Variants in FGF12 observed in about 807,000 individuals in gnomAD.
FGF12 encodes the protein fibroblast growth factor 12, also known as fibroblast growth factor 12B.
In FGF12, 14 loss-of-function variants were observed where a neutral mutation model predicts 23.6. That is an observed-to-expected ratio of 0.59 (90% CI 0.39 to 0.93). The LOEUF is 0.93. FGF12 is among the 40% of genes least tolerant of loss of function. The pLI is 0.00. For missense variants in FGF12, 175 were observed against 217.8 expected (o/e 0.80, Z 1.24); for synonymous variants, 62 against 77.3 (o/e 0.80, Z 1.04).
intron 2 of FGF12, among the ~76,000 whole-genome samples, chr3:192,637,162 A>AC (rs1378078148): frequency 1.3e-5 from 2 of 152,166 alleles, no homozygotes; most frequent in African/African-American, 4.8e-5. Flanking sequence ...CGGAATGCTG[A>AC]CAATGCTTTT....
rs1370248402 is a variant in FGF12, at chr3:192,360,671, G to A, written c.14-133C>T. 1.5e-6 allele frequency: 1 copy of A among 650,604 alleles called. No homozygotes were observed. The highest frequency in any genetic ancestry group is 1.8e-5 in the African/African-American group (1 of 54,858). 40.3% of individuals were successfully genotyped at this position (650,604 alleles called of 1,614,324 possible). On this transcript the variant is annotated intron_variant, in intron 2 of 5. Coordinates refer to ENST00000445105, the MANE Select transcript of FGF12 (RefSeq NM_004113.6). The surrounding 1 kb of genome is among the most constrained non-coding windows in gnomAD (Gnocchi z 4.3). The stretch of plus-strand genomic sequence containing the variant: ...ATATTGAATTATGTATTTGGGAGTT[G>A]GGTGTTTCAGTAACATATCTATGCT...
intron 2 of FGF12, among the ~76,000 whole-genome samples, chr3:192,521,815 C>A (rs1724820921): frequency 6.6e-6 from 1 of 152,106 alleles, no homozygotes; most frequent in Admixed American, 6.5e-5. Flanking sequence ...ATTTTCCCCC[C>A]AAGAGACTAT....
chr3:192,551,122 A>T (rs529894154), intron 2 of FGF12, among the ~76,000 whole-genome samples: 1 of 152,236 alleles, frequency 6.6e-6, no homozygotes, highest in Admixed American at 6.5e-5. Context: ...ATTTTCAAGC[A>T]CTTGATAACA....
At chr3:192,513,060 T>C (rs1424737848) in intron 2 of FGF12, among the ~76,000 whole-genome samples, 1 of 151,722 alleles carries the variant, frequency 6.6e-6, no homozygotes, top group Non-Finnish European at 1.5e-5. Flanking sequence ...ACTGAATATC[T>C]TTCCTAATTT....
intron 3 of FGF12, among the ~76,000 whole-genome samples, chr3:192,346,955 C>A (rs2108716870): frequency 6.6e-6 from 1 of 152,166 alleles, no homozygotes; most frequent in South Asian, 2.1e-4. Context: ...TATAATAATA[C>A]AAATTTGGAA....
intron 2 of FGF12, among the ~76,000 whole-genome samples, chr3:192,457,845 A>C (rs1722727623): frequency 6.6e-6 from 1 of 152,212 alleles, no homozygotes; most frequent in Non-Finnish European, 1.5e-5. Context: ...TCTTCACTGC[A>C]GCCCCTCTCA....
chr3:192,402,963 C>A (rs1489327496), intron 2 of FGF12, among the ~76,000 whole-genome samples: 3 of 152,070 alleles, frequency 2.0e-5, no homozygotes, highest in African/African-American at 4.8e-5. Flanking sequence ...CAAGCGTGTC[C>A]TCTATGTCTA....
intron 4 of FGF12, among the ~76,000 whole-genome samples, chr3:192,306,862 A>T (rs1471930686): frequency 6.6e-6 from 1 of 152,230 alleles, no homozygotes; most frequent in Non-Finnish European, 1.5e-5. Flanking sequence ...ATCTCATAAA[A>T]TGGGGTTGAA....
At chr3:192,523,493 C>G (rs1181773905) in intron 2 of FGF12, among the ~76,000 whole-genome samples, 1 of 152,120 alleles carries the variant, frequency 6.6e-6, no homozygotes, top group African/African-American at 2.4e-5. Context: ...TTCCCACATG[C>G]CCTTCTGGAA....
intron 2 of FGF12, among the ~76,000 whole-genome samples, chr3:192,537,950 C>CTTT (rs370317111): frequency 2.5e-5 from 3 of 121,400 alleles, no homozygotes; most frequent in East Asian, 2.3e-4. Flanking sequence ...AGCCTTTAAC[C>CTTT]TTTTTTTTTT....
chr3:192,626,295 T>A (rs34189232), intron 2 of FGF12, among the ~76,000 whole-genome samples: 4,162 of 152,334 alleles, frequency 0.027, 76 homozygotes, highest in Middle Eastern at 0.058. Context: ...ATTAATTATC[T>A]ACTACCAAAA....
chr3:192,301,206 T>TG (rs1715333477), intron 4 of FGF12, among the ~76,000 whole-genome samples: 1 of 151,874 alleles, frequency 6.6e-6, no homozygotes, highest in Non-Finnish European at 1.5e-5. Context: ...TGGAAGGGGA[T>TG]GGGTTAAGAC....
intron 4 of FGF12, among the ~76,000 whole-genome samples, chr3:192,190,338 G>T (rs1716710780): frequency 6.6e-6 from 1 of 151,898 alleles, no homozygotes; most frequent in African/African-American, 2.4e-5. Flanking sequence ...TTAATTCATT[G>T]AAAATATTTT....
intron 2 of FGF12, among the ~76,000 whole-genome samples, chr3:192,377,761 C>T (rs1227857303): frequency 6.6e-6 from 1 of 152,108 alleles, no homozygotes; most frequent in East Asian, 1.9e-4. Flanking sequence ...GCTTGGGATA[C>T]AATAGGCAGC....
intron 4 of FGF12, chr3:192,268,734 T>C (rs1302403039): frequency 2.2e-6 from 1 of 446,714 alleles, no homozygotes; most frequent in Non-Finnish European, 4.5e-6. Flanking sequence ...ATGCTTCCTG[T>C]AAAACCTGCA....
chr3:192,242,661 G>A (rs1719684043), intron 4 of FGF12, among the ~76,000 whole-genome samples: 1 of 151,946 alleles, frequency 6.6e-6, no homozygotes, highest in Admixed American at 6.6e-5. Flanking sequence ...AATAGAAAAT[G>A]TAATATATGA....
intron 4 of FGF12, among the ~76,000 whole-genome samples, chr3:192,227,972 T>C (rs1560200367): frequency 6.6e-6 from 1 of 152,152 alleles, no homozygotes; most frequent in Non-Finnish European, 1.5e-5. Flanking sequence ...AGTTTGTTTG[T>C]TTAGAAGAAA....
intron 2 of FGF12, among the ~76,000 whole-genome samples, chr3:192,544,123 T>C (rs914883846): frequency 2.6e-5 from 4 of 152,224 alleles, no homozygotes; most frequent in African/African-American, 9.6e-5. Context: ...GGCTGAGTTC[T>C]GCCTGGTGTT....
intron 2 of FGF12, among the ~76,000 whole-genome samples, chr3:192,692,710 TA>T (rs200005337): frequency 6.5e-3 from 801 of 123,038 alleles, no homozygotes; most frequent in Middle Eastern, 0.026. Flanking sequence ...AGACCCTGTC[TA>T]AAAAAAAAAA....
Sources: allele counts gnomAD v4.1 joint callset (sites outside exome capture counted in the v4.1 genomes callset), GRCh38; gene constraint gnomAD v4.1.1; non-coding constraint Gnocchi (gnomAD v3.1); transcripts MANE v1.5; gene names NCBI Gene and HGNC (gene_info 2026-07-23, HGNC 2026-07-21).